Variants in PALLD observed in about 807,000 individuals in gnomAD.
PALLD encodes palladin, cytoskeletal associated protein, also known as palladin.
PALLD carries 61 observed loss-of-function variants against 123.5 expected under a neutral mutation model. The ratio of observed to expected loss-of-function variants is 0.49; its 90% CI spans 0.40 to 0.61. The LOEUF (loss-of-function observed/expected upper bound fraction) is 0.61. PALLD is among the 20% of genes least tolerant of loss of function. The pLI, the probability that PALLD is intolerant of heterozygous loss-of-function variation, is 0.00. For missense variants in PALLD, 1,273 were observed against 1,377.0 expected (o/e 0.92, Z 1.20); for synonymous variants, 465 against 496.4 (o/e 0.94, Z 0.84).
chr4:168,584,376 G>A (rs560867240), intron 2 of PALLD, among the ~76,000 whole-genome samples: 1 of 152,308 alleles, frequency 6.6e-6, no homozygotes, highest in Non-Finnish European at 1.5e-5. Context: ...AGATAACCAA[G>A]ATGGTACTTT....
chr4:168,687,447 T>A (rs1004779784), intron 6 of PALLD, among the ~76,000 whole-genome samples: 1 of 152,240 alleles, frequency 6.6e-6, no homozygotes. Context: ...TTAAGAGTTT[T>A]GCACAAGCAG....
chr4:168,702,869 TTTTATTTTATTTATTTA>T (rs1001243800), intron 8 of PALLD, among the ~76,000 whole-genome samples: 9 of 145,496 alleles, frequency 6.2e-5, no homozygotes, highest in East Asian at 2.1e-4. Flanking sequence ...TTAACTTTGT[TTTTATTTTATTTATTTA>T]TTTATTTTAT....
chr4:168,845,733 C>T (rs891804854), intron 10 of PALLD, among the ~76,000 whole-genome samples: 4 of 152,106 alleles, frequency 2.6e-5, no homozygotes, highest in African/African-American at 9.7e-5. Flanking sequence ...CATAAAACCT[C>T]TTGTAAAAAG....
intron 10 of PALLD, among the ~76,000 whole-genome samples, chr4:168,867,279 G>A (rs931732476): frequency 6.6e-6 from 1 of 152,212 alleles, no homozygotes; most frequent in Admixed American, 6.5e-5. Context: ...CACTAGATGT[G>A]GTGACGCTGT....
At chr4:168,649,098 T>G (rs780744367) in intron 2 of PALLD, among the ~76,000 whole-genome samples, 1 of 152,236 alleles carries the variant, frequency 6.6e-6, no homozygotes, top group Non-Finnish European at 1.5e-5. Flanking sequence ...AGCCAAGAAC[T>G]TTCCTATAAG....
intron 2 of PALLD, among the ~76,000 whole-genome samples, chr4:168,609,972 T>C (rs148187649): frequency 6.6e-6 from 1 of 152,334 alleles, no homozygotes; most frequent in East Asian, 1.9e-4. Context: ...ATCCCAATCT[T>C]CCTACTTGCT....
chr4:168,699,203 C>T (rs1003737043), intron 8 of PALLD, among the ~76,000 whole-genome samples: 2 of 152,068 alleles, frequency 1.3e-5, no homozygotes, highest in Non-Finnish European at 2.9e-5. Flanking sequence ...CTTAGCCTCC[C>T]AAGTAGCTGG....
intron 2 of PALLD, among the ~76,000 whole-genome samples, chr4:168,642,583 A>T (rs1777069166): frequency 6.6e-6 from 1 of 151,832 alleles, no homozygotes; most frequent in African/African-American, 2.4e-5. Flanking sequence ...TGTATTTTTA[A>T]TAGAGATAAG....
At chr4:168,681,109 A>G (rs1472573540) in intron 3 of PALLD, among the ~76,000 whole-genome samples, 1 of 152,224 alleles carries the variant, frequency 6.6e-6, no homozygotes, top group Non-Finnish European at 1.5e-5. Context: ...TTAAAAGTAT[A>G]TTGCTTTGAA....
At chr4:168,682,329 T>C (rs1781628139) in intron 4 of PALLD, among the ~76,000 whole-genome samples, 1 of 152,184 alleles carries the variant, frequency 6.6e-6, no homozygotes, top group Non-Finnish European at 1.5e-5. Flanking sequence ...CAGTGATGCT[T>C]AAAGGATCTT....
intron 10 of PALLD, among the ~76,000 whole-genome samples, chr4:168,792,287 C>T (rs1313917753): frequency 6.6e-6 from 1 of 151,728 alleles, no homozygotes; most frequent in Non-Finnish European, 1.5e-5. Context: ...TTACTCAGCC[C>T]CTTTTTAGAA....
At chr4:168,761,997 G>A (rs1261310167) in intron 10 of PALLD, among the ~76,000 whole-genome samples, 1 of 151,964 alleles carries the variant, frequency 6.6e-6, no homozygotes, top group Non-Finnish European at 1.5e-5. Flanking sequence ...TATAAGGGAA[G>A]AAAAGAAAGG....
At chr4:168,794,071 C>T (rs532771095) in intron 10 of PALLD, among the ~76,000 whole-genome samples, 13 of 152,256 alleles carry the variant, frequency 8.5e-5, no homozygotes, top group African/African-American at 2.6e-4. Context: ...CGGCTCCTCC[C>T]GTCCTCAGCC....
At chr4:168,893,524 T>C (rs1560869940) in intron 11 of PALLD, among the ~76,000 whole-genome samples, 1 of 152,228 alleles carries the variant, frequency 6.6e-6, no homozygotes, top group Non-Finnish European at 1.5e-5. Flanking sequence ...CCAATCAAAT[T>C]TGCATTTATA....
At chr4:168,826,354 A>C (rs760788248) in intron 10 of PALLD, among the ~76,000 whole-genome samples, 13 of 152,210 alleles carry the variant, frequency 8.5e-5, no homozygotes, top group Non-Finnish European at 1.5e-4. Flanking sequence ...TGGTGAATGC[A>C]CTTTCCATAA....
intron 2 of PALLD, among the ~76,000 whole-genome samples, chr4:168,593,542 C>T (rs1373270584): frequency 6.6e-6 from 1 of 152,132 alleles, no homozygotes; most frequent in Non-Finnish European, 1.5e-5. Context: ...GCTTTCCCAC[C>T]CACCTGTCTT....
chr4:168,560,304 A>G (rs1056439733), intron 2 of PALLD, among the ~76,000 whole-genome samples: 4 of 152,322 alleles, frequency 2.6e-5, no homozygotes, highest in Admixed American at 2.6e-4. Flanking sequence ...AGTGACACCC[A>G]TCACCTTACT....
chr4:168,897,643 G>T (rs1261210283), intron 13 of PALLD, among the ~76,000 whole-genome samples: 1 of 152,032 alleles, frequency 6.6e-6, no homozygotes, highest in Admixed American at 6.6e-5. Flanking sequence ...GTAGAGATGG[G>T]GTCTCACTTT....
At chr4:168,667,802 G>C (rs754321145) in intron 2 of PALLD, among the ~76,000 whole-genome samples, 1 of 152,074 alleles carries the variant, frequency 6.6e-6, no homozygotes, top group Non-Finnish European at 1.5e-5. Flanking sequence ...AATATTTTGA[G>C]CATAATGTTT....
Sources: gnomAD v4.1 joint callset for allele counts (sites outside exome capture counted in the v4.1 genomes callset) on GRCh38, gnomAD v4.1.1 for gene constraint, MANE v1.5 for transcripts, NCBI Gene and HGNC (gene_info 2026-07-23, HGNC 2026-07-21) for gene names.